MYO16: variants seen among roughly 807,000 people sequenced by gnomAD.
The protein encoded by MYO16 is myosin XVI.
A neutral mutation model predicts 205.3 loss-of-function variants in MYO16; 94 were observed. The ratio of observed to expected loss-of-function variants is 0.46; its 90% confidence interval spans 0.39 to 0.54. MYO16 has a LOEUF of 0.54. Ranked by LOEUF, MYO16 falls within the 20% of genes least tolerant of loss-of-function variation. MYO16 has a pLI of 0.00. For synonymous variants in MYO16, 988 were observed against 954.0 expected, an observed-to-expected ratio of 1.04 and a Z score of -0.66; for missense variants, 2,315 against 2,387.5, an observed-to-expected ratio of 0.97 and a Z score of 0.63.
At chr13:108,739,080 A>G (rs911392438) in intron 4 of MYO16, among the ~76,000 whole-genome samples, 5 of 151,756 alleles carry the variant, frequency 3.3e-5, no homozygotes, top group African/African-American at 1.2e-4. Flanking sequence ...ATGGGTCTTG[A>G]CTCTATCCAA....
intron 10 of MYO16, among the ~76,000 whole-genome samples, chr13:108,853,661 A>C (rs1878008701): frequency 6.8e-6 from 1 of 147,864 alleles, no homozygotes. Flanking sequence ...TAGTGGCACT[A>C]TCATGACTCA....
At chr13:108,652,163 G>T (rs531253374) in intron 1 of MYO16, among the ~76,000 whole-genome samples, 1 of 151,096 alleles carries the variant, frequency 6.6e-6, no homozygotes, top group Non-Finnish European at 1.5e-5. Context: ...GTGCGCGCGC[G>T]CGCATGTGTG....
chr13:108,898,663 A>G (rs534368399), intron 15 of MYO16, among the ~76,000 whole-genome samples: 67 of 152,270 alleles, frequency 4.4e-4, no homozygotes, highest in African/African-American at 1.5e-3. Context: ...ATATAGTTAA[A>G]TGACTGAATT....
chr13:109,176,550 C>A (rs1249520616), intron 33 of MYO16, among the ~76,000 whole-genome samples: 2 of 93,258 alleles, frequency 2.1e-5, no homozygotes, highest in Admixed American at 1.5e-4. Flanking sequence ...GCTTCTAATA[C>A]GGCAGCTAAA....
intron 33 of MYO16, among the ~76,000 whole-genome samples, chr13:109,177,198 C>T (rs756271916): frequency 6.6e-6 from 1 of 152,172 alleles, no homozygotes; most frequent in African/African-American, 2.4e-5. Flanking sequence ...CATCAGAATG[C>T]ATCCTTACCT....
chr13:108,585,122 A>AAAT, the MYO16 span, among the ~76,000 whole-genome samples: 1 of 152,208 alleles, frequency 6.6e-6, no homozygotes, highest in African/African-American at 2.4e-5. Context: ...AAACTCTGTA[A>AAAT]AATATTTTCA....
intron 10 of MYO16, among the ~76,000 whole-genome samples, chr13:108,851,095 C>G (rs1215695919): frequency 6.6e-6 from 1 of 152,152 alleles, no homozygotes. Context: ...AATCATTACT[C>G]CTGAAGAAAA....
At chr13:108,736,889 T>C (rs1472000302) in intron 4 of MYO16, among the ~76,000 whole-genome samples, 1 of 152,226 alleles carries the variant, frequency 6.6e-6, no homozygotes, top group Non-Finnish European at 1.5e-5. Flanking sequence ...AGGTATTTTA[T>C]TCTCTTTGAA....
intron 3 of MYO16, among the ~76,000 whole-genome samples, chr13:108,718,790 A>G (rs1884047483): frequency 6.6e-6 from 1 of 152,092 alleles, no homozygotes; most frequent in Non-Finnish European, 1.5e-5. Flanking sequence ...CACATCCATA[A>G]CTGGAAAGTC....
chr13:108,607,485 C>A (rs1371834240), intron 1 of MYO16, among the ~76,000 whole-genome samples: 2 of 152,112 alleles, frequency 1.3e-5, no homozygotes, highest in East Asian at 1.9e-4. Context: ...CTTCTTTTAG[C>A]ACTTCTCCTG....
the MYO16 span, among the ~76,000 whole-genome samples, chr13:108,586,448 A>G: frequency 6.6e-6 from 1 of 152,186 alleles, no homozygotes; most frequent in Non-Finnish European, 1.5e-5. Context: ...TCCATTTGGT[A>G]GGCTGAGGTT....
intron 5 of MYO16, among the ~76,000 whole-genome samples, chr13:108,790,295 T>C (rs930921181): frequency 2.6e-5 from 4 of 152,202 alleles, no homozygotes; most frequent in African/African-American, 4.8e-5. Context: ...TCAGATTGAC[T>C]TCGGGAGTTG....
chr13:109,158,794 G>A (rs1878209277), intron 32 of MYO16, among the ~76,000 whole-genome samples: 1 of 152,182 alleles, frequency 6.6e-6, no homozygotes, highest in South Asian at 2.1e-4. Context: ...TATTCAAAAT[G>A]AGAAAATAAA....
At chr13:108,544,669 A>G in the MYO16 span, among the ~76,000 whole-genome samples, 2 of 152,240 alleles carry the variant, frequency 1.3e-5, no homozygotes, top group Non-Finnish European at 2.9e-5. Context: ...TCCCCATTAT[A>G]CTATCAGTTA....
At chr13:109,024,597 T>C (rs1200080553) in intron 23 of MYO16, among the ~76,000 whole-genome samples, 1 of 152,140 alleles carries the variant, frequency 6.6e-6, no homozygotes, top group Non-Finnish European at 1.5e-5. Flanking sequence ...CTGATAGAAA[T>C]AAAGCAAAAC....
At chr13:109,120,559 T>G in intron 29 of MYO16, 93 bp downstream of exon 29, 1 of 851,266 alleles carries the variant, frequency 1.2e-6, no homozygotes, top group Non-Finnish European at 1.8e-6. Flanking sequence ...CGATGGGGTC[T>G]GCACCCTAGT....
At chr13:109,001,441 G>A (rs9521120) in intron 21 of MYO16, among the ~76,000 whole-genome samples, 1 of 152,134 alleles carries the variant, frequency 6.6e-6, no homozygotes, top group African/African-American at 2.4e-5. Context: ...GGCAGAGGTA[G>A]TATCCTCTAT....
chr13:109,012,667 G>A (rs1566460350), intron 22 of MYO16, among the ~76,000 whole-genome samples: 1 of 151,872 alleles, frequency 6.6e-6, no homozygotes, highest in Non-Finnish European at 1.5e-5. Context: ...TAAACCATGT[G>A]GTCAGAAGGT....
chr13:109,157,403 C>T (rs949998790), intron 32 of MYO16, among the ~76,000 whole-genome samples: 1 of 152,160 alleles, frequency 6.6e-6, no homozygotes, highest in Non-Finnish European at 1.5e-5. Context: ...CCCTCCCTCA[C>T]GAGTGCAGTC....
Sources: gnomAD v4.1 joint callset for allele counts (sites outside exome capture counted in the v4.1 genomes callset) on GRCh38, gnomAD v4.1.1 for gene constraint, MANE v1.5 for transcripts, NCBI Gene and HGNC (gene_info 2026-07-23, HGNC 2026-07-21) for gene names.